TNR: variants seen among roughly 807,000 people sequenced by gnomAD.
TNR encodes the protein tenascin-R.
TNR carries 45 observed loss-of-function variants against 150.4 expected under a neutral mutation model. The ratio of observed to expected loss-of-function variants is 0.30; its 90% CI spans 0.24 to 0.38. The LOEUF (loss-of-function observed/expected upper bound fraction) is 0.38, where lower values mean the gene tolerates loss of function less well. Ranked by LOEUF, TNR falls within the 10% of genes least tolerant of loss-of-function variation. The pLI, the probability that TNR is intolerant of heterozygous loss-of-function variation, is 1.00. For synonymous variants in TNR, 687 were observed against 678.4 expected (o/e 1.01, Z -0.20); for missense variants, 1,544 against 1,759.1 (o/e 0.88, Z 2.19).
intron 1 of TNR, among the ~76,000 whole-genome samples, chr1:175,583,512 A>G (rs1328914960): frequency 6.6e-6 from 1 of 152,200 alleles, no homozygotes; most frequent in African/African-American, 2.4e-5. Flanking sequence ...GACCCCTGAT[A>G]GGACTGAGAC....
rs547592199 is a variant in TNR, at chr1:175,660,445, T to G, written c.-165+82781A>C. 3.2e-4 allele frequency among the ~76,000 whole-genome samples: 48 copies of G among 152,336 alleles called. 1 individual carries two copies. The South Asian group carries it at 8.9e-3, about 28-fold the overall frequency. On this transcript the variant is annotated intron_variant, in intron 1 of 22. Transcript: ENST00000367674. The stretch of plus-strand genomic sequence containing the variant: ...AATTTTCCTAGGGATTATAGATCAC[T>G]TTATTGACTGGTCATATGACCCTGG...
chr1:175,494,574 G>T (rs2102142916), intron 2 of TNR, among the ~76,000 whole-genome samples: 1 of 152,348 alleles, frequency 6.6e-6, no homozygotes, highest in Non-Finnish European at 1.5e-5. Flanking sequence ...GGCCTGAGCA[G>T]ACCTGTAGAA....
intron 1 of TNR, among the ~76,000 whole-genome samples, chr1:175,707,453 T>C (rs1293474645): frequency 6.6e-6 from 1 of 152,148 alleles, no homozygotes; most frequent in Non-Finnish European, 1.5e-5. Flanking sequence ...AAATCAAAAA[T>C]CCATAGTAAA....
Position 175,698,975 on chromosome 1 carries a change from G to C in TNR, c.-165+44251C>G, listed in dbSNP as rs187134372. On this transcript the variant is annotated intron_variant, in intron 1 of 22. Transcript: ENST00000367674. ...ATCTAATTTGATCACTCTGGCTGCT[G>C]TGTTAACAATAGACTGGGAGTGGGC... is the stretch of plus-strand genomic sequence containing the variant. Among the ~76,000 whole-genome samples, 14 of 152,322 alleles carry C rather than the reference G, an allele frequency of 9.2e-5. No individual in the cohort carries two copies. The East Asian group carries it at 2.3e-3, about 25-fold the overall frequency.
At chr1:175,459,422 C>T (rs897525596) in intron 2 of TNR, among the ~76,000 whole-genome samples, 2 of 152,202 alleles carry the variant, frequency 1.3e-5, no homozygotes, top group African/African-American at 4.8e-5. Flanking sequence ...AAGGCTCACA[C>T]CAGTGCAAAA....
At chr1:175,643,665 A>G (rs996410579) in intron 1 of TNR, among the ~76,000 whole-genome samples, 24 of 152,176 alleles carry the variant, frequency 1.6e-4, no homozygotes, top group African/African-American at 5.8e-4. Context: ...ACTTTTAATT[A>G]TTTTCCTTCC....
intron 2 of TNR, among the ~76,000 whole-genome samples, chr1:175,434,664 A>C (rs1655418598): frequency 6.6e-6 from 1 of 152,014 alleles, no homozygotes; most frequent in Admixed American, 6.5e-5. Flanking sequence ...CCCCAACCTT[A>C]CCTCTTACCA....
At chr1:175,706,764 A>G (rs1001115719) in intron 1 of TNR, among the ~76,000 whole-genome samples, 1 of 152,066 alleles carries the variant, frequency 6.6e-6, no homozygotes, top group African/African-American at 2.4e-5. Flanking sequence ...TTCCCCTTCT[A>G]CATAAACAGC....
rs779477434 is a variant in TNR at position 175,337,676 on chromosome 1, C to G, written c.3386G>C (p.Gly1129Ala). The change falls in exon 19 of 23, where the codon GGC becomes GCC. Residue 1129 changes from glycine (G) to alanine (A), a missense_variant. Physicochemically the swap from Gly to Ala is moderately conservative, Grantham distance 60. Coordinates refer to ENST00000367674, the MANE Select transcript of TNR (RefSeq NM_003285.3). Reference sequence around the variant, plus strand: ...GTCTTGGGGATGAGGGAACACCCGGCCTCCTGCAAGGAAAATAGACAATGT... The same window carrying G: ...GTCTTGGGGATGAGGGAACACCCGGGCTCCTGCAAGGAAAATAGACAATGT... ...SITSTAFTTGGRVFPHPQDCA... is the reference protein window; with the variant it reads ...SITSTAFTTGARVFPHPQDCA... The G allele has an allele frequency of 1.9e-6, 3 of 1,614,120 alleles. No individual in the cohort carries two copies. Among genetic ancestry groups the G allele is most frequent in the Non-Finnish European group, 2.5e-6 (3 of 1,180,014 alleles).
intron 2 of TNR, among the ~76,000 whole-genome samples, chr1:175,462,695 G>T (rs1221467926): frequency 1.3e-5 from 2 of 152,238 alleles, no homozygotes; most frequent in South Asian, 4.1e-4. Context: ...GTGTGGGAAT[G>T]TCCTTGTTGC....
intron 1 of TNR, among the ~76,000 whole-genome samples, chr1:175,535,626 A>G (rs1201624177): frequency 6.8e-6 from 1 of 146,590 alleles, no homozygotes; most frequent in Middle Eastern, 3.5e-3. Flanking sequence ...ATGCCCGGCT[A>G]ATTTTTTTTT....
intron 8 of TNR, among the ~76,000 whole-genome samples, chr1:175,384,298 G>A (rs1652822464): frequency 6.6e-6 from 1 of 152,196 alleles, no homozygotes. Context: ...AACCAAGAAG[G>A]GACGTGAGCA....
In TNR at chr1:175,406,278, C is replaced by A; in HGVS notation, c.437G>T (p.Arg146Met). The A allele has an allele frequency of 6.2e-7, 1 of 1,614,210 alleles. No individual in the cohort carries two copies. Among genetic ancestry groups the A allele is most frequent in the Non-Finnish European group, 8.5e-7 (1 of 1,180,040 alleles). The change falls in exon 3 of 23, where the codon AGG becomes ATG. Residue 146 changes from arginine (R) to methionine (M), a missense_variant. Around this residue, in one of 2 missense-constraint regions of TNR, gnomAD observed 1,254 missense variants for 1,329.4 expected, o/e 0.94. Coordinates refer to ENST00000367674, the MANE Select transcript of TNR (RefSeq NM_003285.3). ...CTGGTCTCGCAGCACCGACACCTCCCTCTCCAGCATCTCGATCCGGCTCAG... is the reference window on the plus strand; with the variant it reads ...CTGGTCTCGCAGCACCGACACCTCCATCTCCAGCATCTCGATCCGGCTCAG... The part of the protein sequence containing the change: ...ELLSRIEMLE[R>M]EVSVLRDQCN...
At chr1:175,534,497 T>G (rs1056391258) in intron 1 of TNR, among the ~76,000 whole-genome samples, 4 of 152,212 alleles carry the variant, frequency 2.6e-5, no homozygotes, top group African/African-American at 7.2e-5. Flanking sequence ...ATGGATTATT[T>G]GAATGAGTCC....
intron 2 of TNR, among the ~76,000 whole-genome samples, chr1:175,515,413 G>A (rs1378922992): frequency 2.0e-5 from 3 of 152,164 alleles, no homozygotes; most frequent in Non-Finnish European, 4.4e-5. Context: ...CTAGGTTTGG[G>A]GGTAAAGAGG....
chr1:175,650,818 ACCTCCTTACTACC>A (rs1664947646), intron 1 of TNR, among the ~76,000 whole-genome samples: 8 of 5,656 alleles, frequency 1.4e-3, no homozygotes, highest in South Asian at 7.6e-3. Flanking sequence ...CCTGTCCCCC[ACCTCCTTACTACC>A]CCTCCCCCAC....
chr1:175,451,299 C>T (rs544025464), intron 2 of TNR, among the ~76,000 whole-genome samples: 1 of 151,702 alleles, frequency 6.6e-6, no homozygotes, highest in African/African-American at 2.4e-5. Flanking sequence ...TATACATGTG[C>T]CATGTTGGTG....
intron 6 of TNR, among the ~76,000 whole-genome samples, 176 bp from the exon 7 acceptor site, chr1:175,391,614 G>C (rs1653175040): frequency 6.6e-6 from 1 of 152,196 alleles, no homozygotes; most frequent in South Asian, 2.1e-4. Context: ...ACTCCCCATA[G>C]ACTCCATAAG....
At position 175,335,782 on chromosome 1, in the gene TNR, T is replaced by A. The variant is rs376896107; in HGVS notation, c.3560A>T (p.Gln1187Leu). ...WIVFQRRQNG[Q>L]TDFFRKWADY... is the part of the protein sequence containing the mutation. ...AGCCCATTTCCGGAAAAAATCAGTT[T>A]GGCCATTCTGCCGCCTCTGGAATAC... Residue 1187 changes from glutamine to leucine, a missense_variant, in exon 20 of 23, where the codon CAA becomes CTA. Transcript: ENST00000367674. 4.3e-6 allele frequency: 7 copies of A among 1,614,002 alleles called. No individual in the cohort carries two copies. The highest frequency in any genetic ancestry group is 1.7e-5 in the Admixed American group (1 of 60,004).
Sources: gnomAD v4.1 joint callset for allele counts (sites outside exome capture counted in the v4.1 genomes callset) on GRCh38, gnomAD v4.1.1 for gene constraint, gnomAD v4.1.1 regional missense constraint, MANE v1.5 for transcripts, NCBI Gene and HGNC (gene_info 2026-07-23, HGNC 2026-07-21) for gene names.